The following CTNNA2 variants were observed in gnomAD, a reference collection of about 807,000 sequenced individuals.
CTNNA2 encodes catenin alpha-2.
Under a neutral mutation model 101.0 loss-of-function variants are expected in CTNNA2, and 42 were observed. The ratio of observed to expected loss-of-function variants is 0.42; its 90% CI spans 0.32 to 0.54. CTNNA2 has a LOEUF of 0.54. Ranked by LOEUF, CTNNA2 falls within the 20% of genes least tolerant of loss-of-function variation. The pLI, the probability that CTNNA2 is intolerant of heterozygous loss-of-function variation, is 0.14. For missense variants in CTNNA2, 871 were observed against 1,223.1 expected (o/e 0.71, Z 4.29); for synonymous variants, 450 against 456.4 (o/e 0.99, Z 0.18).
chr2:79,421,772 G>C (rs916192439), intron 4 of CTNNA2, among the ~76,000 whole-genome samples: 1 of 152,122 alleles, frequency 6.6e-6, no homozygotes, highest in Non-Finnish European at 1.5e-5. Flanking sequence ...GAATCTAAGA[G>C]GCATTAGTCA....
intron 10 of CTNNA2, among the ~76,000 whole-genome samples, chr2:80,545,315 A>T (rs1691947098): frequency 6.6e-6 from 1 of 152,092 alleles, no homozygotes; most frequent in Non-Finnish European, 1.5e-5. Flanking sequence ...GGGAGGCTGA[A>T]GTGGGAGGAT....
chr2:80,603,316 ATAT>A (rs1176747255), intron 15 of CTNNA2, among the ~76,000 whole-genome samples: 4 of 152,130 alleles, frequency 2.6e-5, no homozygotes, highest in South Asian at 2.1e-4. Flanking sequence ...AAGACATATA[ATAT>A]TAAACACTTC....
At chr2:80,567,006 A>G (rs2149686350) in intron 12 of CTNNA2, among the ~76,000 whole-genome samples, 1 of 152,268 alleles carries the variant, frequency 6.6e-6, no homozygotes, top group Admixed American at 6.5e-5. Flanking sequence ...AAGGGCTTTA[A>G]TGAGATTCCA....
intron 2 of CTNNA2, among the ~76,000 whole-genome samples, chr2:79,199,434 G>A (rs1674004209): frequency 2.0e-5 from 3 of 152,070 alleles, no homozygotes; most frequent in Non-Finnish European, 4.4e-5. Flanking sequence ...TGTTGTTATT[G>A]TGGTTGTTTT....
chr2:80,612,088 A>C (rs749216480), intron 17 of CTNNA2, among the ~76,000 whole-genome samples: 14 of 151,564 alleles, frequency 9.2e-5, no homozygotes, highest in African/African-American at 3.4e-4. Context: ...AGCTTGCCCT[A>C]ATATGTACTT....
chr2:79,895,424 T>C (rs1237067839), intron 6 of CTNNA2, among the ~76,000 whole-genome samples: 14 of 152,190 alleles, frequency 9.2e-5, no homozygotes, highest in Admixed American at 8.5e-4. Flanking sequence ...AGACATGAAA[T>C]TTGAGTGTAT....
chr2:79,385,298 G>A (rs1442816532), intron 4 of CTNNA2, among the ~76,000 whole-genome samples: 1 of 152,130 alleles, frequency 6.6e-6, no homozygotes, highest in Non-Finnish European at 1.5e-5. Context: ...CACTCATTAA[G>A]GTTGCCGTCT....
Position 80,593,971 on chromosome 2 carries a change from ATTTCT to A in CTNNA2, c.2189+4490_2189+4494del, listed in dbSNP as rs150340236. On this transcript the variant is annotated intron_variant, in intron 15 of 18. Transcript: ENST00000402739. Reference sequence around the variant, plus strand: ...TATAAGTATGTAAGTTCCTGCTTTCATTTCTTTTAAGTGTATACCCAGAAGTGGAA... The same window carrying A: ...TATAAGTATGTAAGTTCCTGCTTTCATTTAAGTGTATACCCAGAAGTGGAA... 3.9e-3 allele frequency among the ~76,000 whole-genome samples: 597 copies of A among 152,164 alleles called. 2 individuals carry two copies. The highest frequency in any genetic ancestry group is 0.014 in the African/African-American group (569 of 41,514).
chr2:80,345,604 A>G (rs956068899), intron 7 of CTNNA2, among the ~76,000 whole-genome samples: 1 of 151,952 alleles, frequency 6.6e-6, no homozygotes, highest in Non-Finnish European at 1.5e-5. Context: ...TGTTTAGTTC[A>G]CTGCTATATC....
chr2:79,454,369 C>T (rs907965272), intron 4 of CTNNA2, among the ~76,000 whole-genome samples: 5 of 152,106 alleles, frequency 3.3e-5, no homozygotes, highest in Non-Finnish European at 7.4e-5. Flanking sequence ...CTAACACACC[C>T]TCTCACACAC....
intron 9 of CTNNA2, among the ~76,000 whole-genome samples, chr2:80,448,049 C>A (rs985134349): frequency 2.6e-5 from 4 of 152,168 alleles, no homozygotes; most frequent in African/African-American, 9.7e-5. Flanking sequence ...TTTATTACTG[C>A]ACTTAGTTCT....
intron 6 of CTNNA2, among the ~76,000 whole-genome samples, chr2:79,901,019 C>G (rs1440351377): frequency 2.0e-5 from 3 of 152,112 alleles, no homozygotes; most frequent in African/African-American, 4.8e-5. Context: ...TTACAAAAGA[C>G]AGAAAGTGAA....
chr2:79,285,928 C>A (rs1675562597), intron 2 of CTNNA2, among the ~76,000 whole-genome samples: 1 of 147,478 alleles, frequency 6.8e-6, no homozygotes, highest in Non-Finnish European at 1.5e-5. Context: ...CATTATGAAT[C>A]TGGGTGCTCC....
intron 16 of CTNNA2, among the ~76,000 whole-genome samples, chr2:80,607,314 C>A (rs1455964141): frequency 6.6e-6 from 1 of 151,850 alleles, no homozygotes; most frequent in Non-Finnish European, 1.5e-5. Context: ...TCAAGCTGAA[C>A]CTTTGATAGC....
At chr2:80,405,573 A>G (rs1199795132) in intron 8 of CTNNA2, among the ~76,000 whole-genome samples, 4 of 152,178 alleles carry the variant, frequency 2.6e-5, no homozygotes, top group Non-Finnish European at 5.9e-5. Context: ...TGCCATTCAT[A>G]TCTGTGTCCA....
chr2:80,290,150 GA>G (rs1675112159), intron 7 of CTNNA2, among the ~76,000 whole-genome samples: 1 of 152,138 alleles, frequency 6.6e-6, no homozygotes, highest in Admixed American at 6.5e-5. Context: ...ATAGACAAGG[GA>G]ATTGAGGTAC....
chr2:80,647,790 C>A lies in CTNNA2; in HGVS notation c.2780C>A (p.Thr927Lys). Reference sequence around the variant, plus strand: ...AGAGAAAAGCCTGAAGAATTCCAGACACGAGTTCGACGAGGTTCTCAGAAG... The same window carrying A: ...AGAGAAAAGCCTGAAGAATTCCAGAAACGAGTTCGACGAGGTTCTCAGAAG... Reference protein sequence around the residue: ...VKREKPEEFQTRVRRGSQKKH... With the variant: ...VKREKPEEFQKRVRRGSQKKH... The change falls in exon 19 of 19, where the codon ACA becomes AAA. Residue 927 changes from threonine (T) to lysine (K), a missense_variant. By Grantham distance (78) the Thr-to-Lys change is moderately conservative (BLOSUM62 -1). Around this residue, in one of 5 missense-constraint regions of CTNNA2, gnomAD observed 41 missense variants for 45.1 expected, o/e 0.91. Transcript: ENST00000402739. 1 of 1,613,638 alleles carries A rather than the reference C, an allele frequency of 6.2e-7. No homozygotes were observed. The highest frequency in any genetic ancestry group is 8.5e-7 in the Non-Finnish European group (1 of 1,179,624).
intron 1 of CTNNA2, among the ~76,000 whole-genome samples, chr2:79,592,558 G>C (rs895414000): frequency 4.6e-5 from 7 of 151,872 alleles, no homozygotes. Flanking sequence ...TGTTTAATTT[G>C]TTCTTATCTT....
At chr2:79,626,615 G>GTA (rs1679323290) in intron 1 of CTNNA2, among the ~76,000 whole-genome samples, 1 of 117,456 alleles carries the variant, frequency 8.5e-6, no homozygotes, top group Non-Finnish European at 1.7e-5. Context: ...GCGTGTGTGT[G>GTA]TGTATGTGTG....
Sources: gnomAD v4.1 joint callset for allele counts (sites outside exome capture counted in the v4.1 genomes callset) on GRCh38, gnomAD v4.1.1 for gene constraint, gnomAD v4.1.1 regional missense constraint, MANE v1.5 for transcripts, NCBI Gene and HGNC (gene_info 2026-07-23, HGNC 2026-07-21) for gene names.